Variants in VCL observed in about 807,000 individuals in gnomAD.
VCL encodes epididymis luminal protein 114.
In VCL, 47 loss-of-function variants were observed where a neutral mutation model predicts 125.7. That is an observed-to-expected ratio of 0.37 (90% CI 0.30 to 0.48). The LOEUF (loss-of-function observed/expected upper bound fraction) is 0.48. Ranked by LOEUF, VCL falls within the 20% of genes least tolerant of loss-of-function variation. The pLI is 0.99. For synonymous variants in VCL, 458 were observed against 514.6 expected (o/e 0.89, Z 1.49); for missense variants, 1,069 against 1,455.5 (o/e 0.73, Z 4.32).
intron 1 of VCL, among the ~76,000 whole-genome samples, chr10:74,039,138 C>G (rs1053522914): frequency 6.6e-6 from 1 of 152,164 alleles, no homozygotes; most frequent in African/African-American, 2.4e-5. Flanking sequence ...TCGCGAACTC[C>G]TGACCTCAGG....
chr10:74,024,740 G>C (rs903833548), intron 1 of VCL, among the ~76,000 whole-genome samples: 4 of 152,210 alleles, frequency 2.6e-5, no homozygotes, highest in Non-Finnish European at 5.9e-5. Context: ...TTAAGGCCAG[G>C]CTGACTCAGC....
intron 1 of VCL, among the ~76,000 whole-genome samples, chr10:74,030,483 T>C (rs541431403): frequency 3.9e-5 from 6 of 152,226 alleles, no homozygotes; most frequent in African/African-American, 1.4e-4. Context: ...TTAAAGAAAA[T>C]GTTGGGAGAG....
intron 2 of VCL, among the ~76,000 whole-genome samples, chr10:74,045,306 G>GATAT (rs1554815116): frequency 6.6e-6 from 1 of 151,180 alleles, no homozygotes; most frequent in Non-Finnish European, 1.5e-5. Flanking sequence ...TAGATAGATA[G>GATAT]ATATGTAGGT....
chr10:74,018,614 A>C (rs949890234), intron 1 of VCL, among the ~76,000 whole-genome samples: 2 of 152,140 alleles, frequency 1.3e-5, no homozygotes, highest in African/African-American at 4.8e-5. Flanking sequence ...GGGAATGGGG[A>C]AGCTTTAGTA....
intron 1 of VCL, among the ~76,000 whole-genome samples, chr10:74,004,779 A>C (rs1218373263): frequency 6.6e-6 from 1 of 150,992 alleles, no homozygotes; most frequent in African/African-American, 2.4e-5. Flanking sequence ...ATCTCAGCTC[A>C]CCGCAACCTC....
chr10:74,099,521 T>C (rs1396833175), intron 13 of VCL, among the ~76,000 whole-genome samples: 1 of 152,242 alleles, frequency 6.6e-6, no homozygotes, highest in Non-Finnish European at 1.5e-5. Flanking sequence ...CGAGTGCTTT[T>C]TTCTCACTGG....
intron 1 of VCL, among the ~76,000 whole-genome samples, chr10:74,029,275 G>A (rs1228869208): frequency 1.3e-5 from 2 of 151,744 alleles, no homozygotes; most frequent in Admixed American, 6.6e-5. Flanking sequence ...CATCATGCCC[G>A]GCTAATTTTT....
intron 1 of VCL, among the ~76,000 whole-genome samples, chr10:74,015,359 C>T (rs1282703296): frequency 1.3e-5 from 2 of 152,144 alleles, no homozygotes; most frequent in Non-Finnish European, 1.5e-5. Context: ...TTGAGACCAA[C>T]CTGGCCAACA....
chr10:74,094,160 A>G (rs1839929980), intron 10 of VCL, 111 bp from the exon 11 acceptor site: 1 of 1,324,084 alleles, frequency 7.6e-7, no homozygotes, highest in Admixed American at 2.3e-5. Context: ...AACCAAATTA[A>G]TAGTAATCAG....
chr10:74,099,787 C>T (rs1486805815), intron 13 of VCL, among the ~76,000 whole-genome samples: 1 of 152,146 alleles, frequency 6.6e-6, no homozygotes, highest in African/African-American at 2.4e-5. Context: ...AGAACTGAGG[C>T]CACGGGAAGG....
intron 1 of VCL, among the ~76,000 whole-genome samples, chr10:74,028,506 C>T (rs1053122076): frequency 2.6e-5 from 4 of 150,974 alleles, no homozygotes; most frequent in African/African-American, 7.3e-5. Context: ...AAGCAATTCT[C>T]CTGCCTCAGC....
chr10:74,036,093 AT>A (rs1429604397), intron 1 of VCL, among the ~76,000 whole-genome samples: 1 of 152,206 alleles, frequency 6.6e-6, no homozygotes, highest in Non-Finnish European at 1.5e-5. Flanking sequence ...ACATGACTAT[AT>A]TTATTATAAA....
intron 2 of VCL, among the ~76,000 whole-genome samples, chr10:74,065,898 A>G (rs928832539): frequency 4.0e-5 from 6 of 151,886 alleles, no homozygotes; most frequent in African/African-American, 1.5e-4. Flanking sequence ...TTCCATTACT[A>G]GATATATAAT....
intron 1 of VCL, among the ~76,000 whole-genome samples, chr10:74,038,494 G>A (rs577322219): frequency 3.9e-5 from 6 of 152,260 alleles, no homozygotes; most frequent in Admixed American, 1.3e-4. Context: ...AAACAGTGCC[G>A]TTCGTTGTCC....
At chr10:74,041,615 G>A (rs537831631) in intron 1 of VCL, among the ~76,000 whole-genome samples, 1 of 152,292 alleles carries the variant, frequency 6.6e-6, no homozygotes, top group South Asian at 2.1e-4. Flanking sequence ...AACTTAGGCT[G>A]GGAGTGGTGG....
rs1839996603 is a variant in VCL, at chr10:74,097,878, T to TGG, written c.1872+547_1872+548dup. On this transcript the variant is annotated intron_variant, in intron 13 of 21. Transcript: ENST00000211998. This position sits in a 1 kb window ranked among gnomAD's most constrained non-coding sequence, Gnocchi z 4.1. ...ATGAAGAAAATTGCCAGCGATGTGCTGGTAAGCCAACTCTCCAGGAAAACG... is the reference window on the plus strand; with the variant it reads ...ATGAAGAAAATTGCCAGCGATGTGCTGGGGTAAGCCAACTCTCCAGGAAAACG... Among the ~76,000 whole-genome samples, 1 of 152,204 alleles carries TGG rather than the reference T, an allele frequency of 6.6e-6. No individual in the cohort carries two copies. Among genetic ancestry groups the TGG allele is most frequent in the South Asian group, 2.1e-4 (1 of 4,828 alleles).
At chr10:74,114,959 T>C (rs1840289353) in intron 21 of VCL, 60 bp downstream of exon 21, 1 of 1,480,312 alleles carries the variant, frequency 6.8e-7, no homozygotes, top group African/African-American at 1.4e-5. Flanking sequence ...TGCAGTAATT[T>C]AACTCTGCTT....
At chr10:74,077,303 C>T (rs1217184702) in intron 6 of VCL, 1 of 152,592 alleles carries the variant, frequency 6.6e-6, no homozygotes, top group Non-Finnish European at 1.5e-5. Flanking sequence ...TTATTTTTAA[C>T]CTAATTTTGC....
chr10:74,014,254 CAG>C (rs1840493542), intron 1 of VCL, among the ~76,000 whole-genome samples: 1 of 151,866 alleles, frequency 6.6e-6, no homozygotes, highest in Non-Finnish European at 1.5e-5. Context: ...TTTTTGGAGA[CAG>C]GGTCTCACTC....
Sources: allele counts gnomAD v4.1 joint callset (sites outside exome capture counted in the v4.1 genomes callset), GRCh38; gene constraint gnomAD v4.1.1; non-coding constraint Gnocchi (gnomAD v3.1); transcripts MANE v1.5; gene names NCBI Gene and HGNC (gene_info 2026-07-23, HGNC 2026-07-21).